NEO1: variants seen among roughly 807,000 people sequenced by gnomAD.
NEO1 encodes the protein neogenin 1, also known as neogenin.
NEO1 carries 63 observed loss-of-function variants against 159.7 expected under a neutral mutation model. That is an observed-to-expected ratio of 0.39 (90% CI 0.32 to 0.49). The LOEUF (loss-of-function observed/expected upper bound fraction) is 0.49. Ranked by LOEUF, NEO1 falls within the 20% of genes least tolerant of loss-of-function variation. The pLI, the probability that NEO1 is intolerant of heterozygous loss-of-function variation, is 0.85. For missense variants in NEO1, 1,615 were observed against 1,831.0 expected (o/e 0.88, Z 2.15); for synonymous variants, 633 against 662.0 (o/e 0.96, Z 0.67).
At position 73,248,556 on chromosome 15, in the gene NEO1, T is replaced by C. The variant is rs185323156; in HGVS notation, c.1607-504T>C. Among the ~76,000 whole-genome samples, 8 of 152,368 alleles carry C rather than the reference T, an allele frequency of 5.3e-5. No homozygotes were observed. In the East Asian group the frequency reaches 1.5e-3, roughly 29 times the overall value. On this transcript the variant is annotated intron_variant, in intron 9 of 28. Coordinates refer to ENST00000261908, the MANE Select transcript of NEO1 (RefSeq NM_002499.4). ...TTTGCTTGACTCCAAGAATTCTTCA[T>C]CAAAGGGGTTTCCCTCCCAAACCCC...
chr15:73,181,940 A>C (rs981381544), intron 7 of NEO1, among the ~76,000 whole-genome samples: 8 of 151,408 alleles, frequency 5.3e-5, no homozygotes, highest in African/African-American at 1.9e-4. Flanking sequence ...CCATTTTCAC[A>C]CTGCTGTTAA....
At chr15:73,253,569 A>T in intron 12 of NEO1, 120 bp downstream of exon 12, 2 of 600,070 alleles carry the variant, frequency 3.3e-6, no homozygotes, top group South Asian at 7.6e-5. Context: ...ATGTGGTAAT[A>T]ATCTGCATTT....
At chr15:73,227,449 T>A (rs552950246) in intron 7 of NEO1, among the ~76,000 whole-genome samples, 9 of 151,440 alleles carry the variant, frequency 5.9e-5, no homozygotes, top group African/African-American at 2.2e-4. Flanking sequence ...TGAGCCGAGA[T>A]CACACCACTG....
chr15:73,158,855 A>C (rs2033967688), intron 5 of NEO1, among the ~76,000 whole-genome samples: 1 of 151,974 alleles, frequency 6.6e-6, no homozygotes, highest in Non-Finnish European at 1.5e-5. Context: ...CAAGCAAAGA[A>C]GTGTGTAAAA....
Position 73,250,833 on chromosome 15 carries a change from G to T in NEO1, c.1894+1112G>T, listed in dbSNP as rs139123049. On this transcript the variant is annotated intron_variant, in intron 11 of 28. Transcript: ENST00000261908. ...AAAACAGCCATAAAGGACACTATTG[G>T]TATAATTACTTAATATTAGATACAT... is the stretch of plus-strand genomic sequence containing the variant. 9.7e-3 allele frequency among the ~76,000 whole-genome samples: 1,468 copies of T among 152,112 alleles called. 15 individuals are homozygous for T. Among genetic ancestry groups the T allele is most frequent in the Non-Finnish European group, 0.017 (1,179 of 67,994 alleles).
intron 5 of NEO1, among the ~76,000 whole-genome samples, chr15:73,171,826 G>A (rs533052903): frequency 8.6e-5 from 13 of 151,924 alleles, no homozygotes; most frequent in South Asian, 8.3e-4. Flanking sequence ...ATTTTTAATA[G>A]AGACGGGTTT....
intron 2 of NEO1, among the ~76,000 whole-genome samples, chr15:73,122,063 G>GTGTA (rs1290054672): frequency 2.1e-4 from 27 of 126,360 alleles, no homozygotes; most frequent in South Asian, 1.3e-3. Flanking sequence ...GTGTGTGTGT[G>GTGTA]TATATATATA....
chr15:73,139,245 T>C (rs554896613), intron 5 of NEO1, among the ~76,000 whole-genome samples: 41 of 152,232 alleles, frequency 2.7e-4, no homozygotes, highest in African/African-American at 7.0e-4. Context: ...GAAAAGCTTA[T>C]TGACGTTGGT....
At position 73,223,292 on chromosome 15, in the gene NEO1, A is replaced by ATCT. The variant is rs1239431256; in HGVS notation, c.1292-13055_1292-13054insTCT. Among the ~76,000 whole-genome samples the ATCT allele has an allele frequency of 8.1e-4, 124 of 152,286 alleles. 2 individuals carry two copies. The South Asian group carries it at 0.018, about 22-fold the overall frequency. ...TGAAATGTTCTGTATATATCTGTTA[A>ATCT]GTCCATTTGTTCCAAGGTATAGTTT... On this transcript the variant is annotated intron_variant, in intron 7 of 28. Transcript: ENST00000261908.
intron 7 of NEO1, among the ~76,000 whole-genome samples, chr15:73,204,758 A>G (rs897703478): frequency 6.6e-6 from 1 of 151,726 alleles, no homozygotes; most frequent in African/African-American, 2.4e-5. Flanking sequence ...TCTTTTTCTG[A>G]TGGTTGTTTT....
At chr15:73,193,908 T>C (rs144031366) in intron 7 of NEO1, among the ~76,000 whole-genome samples, 258 of 152,000 alleles carry the variant, frequency 1.7e-3, no homozygotes, top group African/African-American at 5.8e-3. Flanking sequence ...CCTAGAAGGA[T>C]GGATGGGATT....
intron 7 of NEO1, among the ~76,000 whole-genome samples, chr15:73,182,240 G>A (rs2035651720): frequency 6.6e-6 from 1 of 152,082 alleles, no homozygotes; most frequent in Non-Finnish European, 1.5e-5. Context: ...GGGAATTGTG[G>A]GAGTTACAAT....
chr15:73,138,141 A>C (rs1044720080), intron 5 of NEO1, among the ~76,000 whole-genome samples: 2 of 152,204 alleles, frequency 1.3e-5, no homozygotes, highest in Admixed American at 1.3e-4. Flanking sequence ...TTATATATAC[A>C]GTAACGTATA....
At chr15:73,108,944 T>A (rs183049208) in intron 1 of NEO1, among the ~76,000 whole-genome samples, 1 of 152,012 alleles carries the variant, frequency 6.6e-6, no homozygotes, top group Non-Finnish European at 1.5e-5. Flanking sequence ...AGAGGAAGTG[T>A]GATAGGAGAT....
chr15:73,097,038 T>G (rs187493528), intron 1 of NEO1, among the ~76,000 whole-genome samples: 12 of 152,106 alleles, frequency 7.9e-5, no homozygotes, highest in African/African-American at 2.4e-4. Flanking sequence ...GGCGGAAGGA[T>G]CAATTGAGCC....
chr15:73,182,869 A>C (rs1249021056), intron 7 of NEO1, among the ~76,000 whole-genome samples: 2 of 152,172 alleles, frequency 1.3e-5, no homozygotes, highest in African/African-American at 4.8e-5. Context: ...AATTCCAAAA[A>C]GGACAACCCT....
intron 1 of NEO1, among the ~76,000 whole-genome samples, chr15:73,109,683 A>G (rs1415918741): frequency 6.6e-6 from 1 of 152,178 alleles, no homozygotes; most frequent in Non-Finnish European, 1.5e-5. Flanking sequence ...ATAGGACATT[A>G]TGATCCTGAA....
chr15:73,115,366 G>T (rs2071249913), intron 1 of NEO1, among the ~76,000 whole-genome samples: 2 of 152,274 alleles, frequency 1.3e-5, no homozygotes, highest in South Asian at 4.1e-4. Context: ...CCTGCTTGTG[G>T]TGTTTGGGAA....
At chr15:73,069,123 GTATTTTTTTT>G (rs1178191489) in intron 1 of NEO1, among the ~76,000 whole-genome samples, 3 of 113,704 alleles carry the variant, frequency 2.6e-5, no homozygotes, top group African/African-American at 5.6e-5. Context: ...GCTAATTTTT[GTATTTTTTTT>G]TTTTTTTTTT....
Sources: gnomAD v4.1 joint callset for allele counts (sites outside exome capture counted in the v4.1 genomes callset) on GRCh38, gnomAD v4.1.1 for gene constraint, MANE v1.5 for transcripts, NCBI Gene and HGNC (gene_info 2026-07-23, HGNC 2026-07-21) for gene names.